CCNY: variants seen among roughly 807,000 people sequenced by gnomAD.
CCNY encodes the protein cyclin Y.
In CCNY, 19 loss-of-function variants were observed where a neutral mutation model predicts 42.8. The observed-to-expected ratio is 0.44, with a 90% CI of 0.31 to 0.65. CCNY has a LOEUF of 0.65. CCNY is among the 30% of genes least tolerant of loss of function. The pLI is 0.07. For missense variants in CCNY, 370 were observed against 437.3 expected, an observed-to-expected ratio of 0.85 and a Z score of 1.37; for synonymous variants, 165 against 162.7, an observed-to-expected ratio of 1.01 and a Z score of -0.11.
intron 1 of CCNY, among the ~76,000 whole-genome samples, chr10:35,450,619 C>G (rs978544785): frequency 6.6e-5 from 10 of 151,744 alleles, no homozygotes; most frequent in African/African-American, 2.4e-4. Context: ...GGGTTCCCAT[C>G]ATTGTGGAGC....
chr10:35,307,698 G>A (rs1044493548), intron 3 of CCNY, among the ~76,000 whole-genome samples: 1 of 146,382 alleles, frequency 6.8e-6, no homozygotes, highest in African/African-American at 2.5e-5. Flanking sequence ...ATCTACACGT[G>A]TATATATGTA....
At chr10:35,459,023 T>C (rs993702102) in intron 1 of CCNY, among the ~76,000 whole-genome samples, 8 of 152,190 alleles carry the variant, frequency 5.3e-5, no homozygotes, top group Admixed American at 4.6e-4. Context: ...ACCTCAAGGC[T>C]GAGCCACAGA....
At chr10:35,406,188 T>TC (rs1249647578) in intron 1 of CCNY, among the ~76,000 whole-genome samples, 1 of 147,350 alleles carries the variant, frequency 6.8e-6, no homozygotes, top group Non-Finnish European at 1.5e-5. Context: ...TTTCTTTTTT[T>TC]TTTTCTTTTT....
In CCNY at chr10:35,521,470, A is replaced by C. The variant is rs115167261; in HGVS notation, c.366-4494A>C. 4.5e-3 allele frequency among the ~76,000 whole-genome samples: 689 copies of C among 152,214 alleles called. 6 individuals carry two copies. Among genetic ancestry groups the C allele is most frequent in the African/African-American group, 0.016 (657 of 41,530 alleles). On this transcript the variant is annotated intron_variant, in intron 4 of 9. Coordinates refer to ENST00000374704, the MANE Select transcript of CCNY (RefSeq NM_145012.6). The stretch of plus-strand genomic sequence containing the variant: ...CCAGGGTTAATTGATCTGGTTAGCC[A>C]CTCTGGGCAGAAACTAAAGGAGGCC...
intron 3 of CCNY, among the ~76,000 whole-genome samples, chr10:35,299,492 C>T (rs1418295636): frequency 1.3e-5 from 2 of 152,316 alleles, no homozygotes; most frequent in South Asian, 2.1e-4. Flanking sequence ...TTCTTAGTGA[C>T]TTGATAGTTT....
intron 3 of CCNY, among the ~76,000 whole-genome samples, chr10:35,270,959 T>C (rs1196260028): frequency 6.6e-6 from 1 of 151,938 alleles, no homozygotes; most frequent in Non-Finnish European, 1.5e-5. Flanking sequence ...TCTCCTGACC[T>C]CGTGATCCGC....
At chr10:35,549,638 ACCCTGCGCTGCTCATGG>A (rs1841203562) in intron 7 of CCNY, among the ~76,000 whole-genome samples, 1 of 136,148 alleles carries the variant, frequency 7.3e-6, no homozygotes, top group Non-Finnish European at 1.6e-5. Context: ...AGTGCTCGTG[ACCCTGCGCTGCTCATGG>A]CCCATGACCC....
intron 3 of CCNY, among the ~76,000 whole-genome samples, chr10:35,508,662 C>T (rs1249887365): frequency 6.6e-6 from 1 of 152,190 alleles, no homozygotes; most frequent in Non-Finnish European, 1.5e-5. Context: ...CTTTAAATTT[C>T]CCATTCCAGT....
At chr10:35,252,814 T>G (rs998367095) in intron 3 of CCNY, among the ~76,000 whole-genome samples, 1 of 152,172 alleles carries the variant, frequency 6.6e-6, no homozygotes, top group Non-Finnish European at 1.5e-5. Context: ...ATACAACCTC[T>G]GTTTCGTCTT....
At chr10:35,531,495 G>A (rs1840769964) in intron 7 of CCNY, among the ~76,000 whole-genome samples, 1 of 152,218 alleles carries the variant, frequency 6.6e-6, no homozygotes, top group Non-Finnish European at 1.5e-5. Context: ...AATGATTGCA[G>A]GTTCCTATGT....
intron 3 of CCNY, among the ~76,000 whole-genome samples, chr10:35,252,953 G>A (rs1465800376): frequency 6.6e-6 from 1 of 152,046 alleles, no homozygotes; most frequent in African/African-American, 2.4e-5. Context: ...TAACTATGAG[G>A]TTAAAAAAAT....
intron 3 of CCNY, among the ~76,000 whole-genome samples, chr10:35,257,466 G>T (rs1385486237): frequency 6.6e-6 from 1 of 151,860 alleles, no homozygotes; most frequent in Non-Finnish European, 1.5e-5. Flanking sequence ...TATCTGGGAA[G>T]GTCTTAATTT....
chr10:35,253,951 C>T (rs2095713764), intron 3 of CCNY, among the ~76,000 whole-genome samples: 1 of 149,644 alleles, frequency 6.7e-6, no homozygotes, highest in Non-Finnish European at 1.5e-5. Flanking sequence ...TCTCGGCTCA[C>T]TGCAACCTCT....
intron 1 of CCNY, among the ~76,000 whole-genome samples, chr10:35,446,025 A>C (rs1838783162): frequency 6.6e-6 from 1 of 152,204 alleles, no homozygotes; most frequent in African/African-American, 2.4e-5. Flanking sequence ...CAGATCTATT[A>C]AAAATAACCA....
At chr10:35,536,312 A>G (rs926969227) in intron 7 of CCNY, among the ~76,000 whole-genome samples, 13 of 152,106 alleles carry the variant, frequency 8.5e-5, no homozygotes, top group African/African-American at 3.1e-4. Flanking sequence ...TGGAATTGCA[A>G]GTCCAATTAA....
chr10:35,313,430 T>G (rs1477163495), intron 3 of CCNY, among the ~76,000 whole-genome samples: 2 of 152,048 alleles, frequency 1.3e-5, no homozygotes, highest in African/African-American at 4.8e-5. Flanking sequence ...CAGGTCTCTT[T>G]GCGCATGTAA....
chr10:35,529,782 A>G (rs1840726377), intron 5 of CCNY, among the ~76,000 whole-genome samples, 191 bp from the exon 6 acceptor site: 1 of 151,954 alleles, frequency 6.6e-6, no homozygotes, highest in Non-Finnish European at 1.5e-5. Flanking sequence ...AAGCAGGAGA[A>G]TCACTTGAAC....
chr10:35,328,590 A>C (rs1192912456), intron 3 of CCNY, among the ~76,000 whole-genome samples: 1 of 152,232 alleles, frequency 6.6e-6, no homozygotes. Context: ...AGGTTATATT[A>C]CATCATGGAG....
chr10:35,555,307 G>T (rs1841341895), intron 8 of CCNY, among the ~76,000 whole-genome samples: 1 of 152,180 alleles, frequency 6.6e-6, no homozygotes, highest in Non-Finnish European at 1.5e-5. Context: ...CAGTTACGAA[G>T]ATGTTTTAAA....
Sources: allele counts gnomAD v4.1 joint callset (sites outside exome capture counted in the v4.1 genomes callset), GRCh38; gene constraint gnomAD v4.1.1; transcripts MANE v1.5; gene names NCBI Gene and HGNC (gene_info 2026-07-23, HGNC 2026-07-21).